LTBP1: variants seen among roughly 807,000 people sequenced by gnomAD.
LTBP1 encodes the protein latent-transforming growth factor beta-binding protein 1.
In LTBP1, 129 loss-of-function variants were observed where a neutral mutation model predicts 207.6. The ratio of observed to expected loss-of-function variants is 0.62; its 90% CI spans 0.54 to 0.72. The LOEUF is 0.72. LTBP1 is among the 30% of genes least tolerant of loss of function. The pLI is 0.00. For missense variants in LTBP1, 2,281 were observed against 2,217.2 expected (o/e 1.03, Z -0.58); for synonymous variants, 963 against 833.7 (o/e 1.16, Z -2.67).
intron 15 of LTBP1, among the ~76,000 whole-genome samples, chr2:33,271,390 A>G (rs1425887827): frequency 1.3e-5 from 2 of 152,178 alleles, no homozygotes; most frequent in African/African-American, 4.8e-5. Context: ...CCACCCGGGA[A>G]AAAACCCAAG....
At chr2:33,289,209 T>A (rs972283520) in intron 19 of LTBP1, among the ~76,000 whole-genome samples, 1 of 152,194 alleles carries the variant, frequency 6.6e-6, no homozygotes, top group Non-Finnish European at 1.5e-5. Context: ...GATGCATACA[T>A]CTTTGAACTA....
chr2:33,318,355 C>T (rs1481858056), intron 24 of LTBP1, among the ~76,000 whole-genome samples: 2 of 152,152 alleles, frequency 1.3e-5, no homozygotes, highest in East Asian at 3.9e-4. Context: ...TTTATTCACT[C>T]ACGTAACCGG....
chr2:33,039,676 C>T (rs1266182601), intron 3 of LTBP1, among the ~76,000 whole-genome samples: 2 of 152,104 alleles, frequency 1.3e-5, no homozygotes, highest in Non-Finnish European at 2.9e-5. Context: ...TGTGGGGGGC[C>T]ATAATAATAT....
intron 31 of LTBP1, among the ~76,000 whole-genome samples, chr2:33,373,519 A>G (rs1026850410): frequency 1.3e-5 from 2 of 152,202 alleles, no homozygotes; most frequent in South Asian, 2.1e-4. Flanking sequence ...TATGTATCCA[A>G]CTTCCTTTGA....
intron 2 of LTBP1, among the ~76,000 whole-genome samples, chr2:32,970,789 C>G (rs1490484210): frequency 1.3e-5 from 2 of 151,468 alleles, no homozygotes; most frequent in Non-Finnish European, 2.9e-5. Flanking sequence ...TTTTCTAATT[C>G]TATGAAGAAT....
At chr2:33,146,649 A>G (rs947897497) in intron 5 of LTBP1, among the ~76,000 whole-genome samples, 2 of 152,236 alleles carry the variant, frequency 1.3e-5, no homozygotes, top group East Asian at 3.8e-4. Flanking sequence ...TACAGGAAGC[A>G]TGGTTGGGGA....
At chr2:33,049,160 G>T (rs924434448) in intron 3 of LTBP1, among the ~76,000 whole-genome samples, 1 of 152,118 alleles carries the variant, frequency 6.6e-6, no homozygotes, top group African/African-American at 2.4e-5. Flanking sequence ...AAAAACAATA[G>T]GTGTGCGTTA....
At chr2:33,149,232 A>AC (rs1558707353) in intron 5 of LTBP1, among the ~76,000 whole-genome samples, 43 of 134,688 alleles carry the variant, frequency 3.2e-4, no homozygotes, top group African/African-American at 1.0e-3. Flanking sequence ...AAAAAACAAA[A>AC]AAAAAAAAAA....
At chr2:33,245,127 G>T (rs536639072) in intron 10 of LTBP1, among the ~76,000 whole-genome samples, 3 of 152,020 alleles carry the variant, frequency 2.0e-5, no homozygotes, top group African/African-American at 4.8e-5. Flanking sequence ...TGATCCACCC[G>T]CCTCAGCCTC....
At chr2:33,183,669 G>A (rs532934945) in intron 5 of LTBP1, among the ~76,000 whole-genome samples, 3 of 152,268 alleles carry the variant, frequency 2.0e-5, no homozygotes, top group Admixed American at 1.3e-4. Context: ...ATTCTTTGTA[G>A]TACATTTAAA....
At chr2:33,309,761 C>T (rs570174515) in intron 23 of LTBP1, among the ~76,000 whole-genome samples, 2 of 152,178 alleles carry the variant, frequency 1.3e-5, no homozygotes, top group East Asian at 1.9e-4. Context: ...GAAACTCACA[C>T]GAGTAAGAGC....
chr2:33,234,545 A>G (rs1248469678), intron 9 of LTBP1, among the ~76,000 whole-genome samples: 1 of 152,180 alleles, frequency 6.6e-6, no homozygotes, highest in Non-Finnish European at 1.5e-5. Context: ...AAGGAGAACT[A>G]CAAACCACTG....
intron 3 of LTBP1, among the ~76,000 whole-genome samples, chr2:33,090,034 G>T (rs1323678322): frequency 2.0e-5 from 3 of 152,158 alleles, no homozygotes; most frequent in Non-Finnish European, 4.4e-5. Flanking sequence ...GATGTTACGT[G>T]TTTTATATAC....
chr2:33,068,046 A>T (rs990545959), intron 3 of LTBP1, among the ~76,000 whole-genome samples: 2 of 152,082 alleles, frequency 1.3e-5, no homozygotes, highest in Admixed American at 6.5e-5. Flanking sequence ...ATGCTCCTGG[A>T]TAACAGTATT....
chr2:33,328,030 G>T (rs1012095870), intron 24 of LTBP1, among the ~76,000 whole-genome samples: 13 of 151,846 alleles, frequency 8.6e-5, no homozygotes, highest in Non-Finnish European at 1.6e-4. Flanking sequence ...AGCTACTTGG[G>T]AGGCTGAGGC....
intron 26 of LTBP1, among the ~76,000 whole-genome samples, chr2:33,350,209 A>G (rs559748115): frequency 6.6e-6 from 1 of 152,336 alleles, no homozygotes; most frequent in Admixed American, 6.5e-5. Context: ...GGGAAAGATA[A>G]ATTTCCAGTA....
Position 33,134,899 on chromosome 2 carries a change from C to T in LTBP1, c.1140C>T (p.Thr380=). Residue 380 remains threonine (T), a synonymous_variant, in exon 5 of 34, where the codon ACC becomes ACT. Transcript: ENST00000404816. This position sits in a 1 kb window ranked among gnomAD's most constrained non-coding sequence, Gnocchi z 4.4. ...CQNSCEKGNT[T]TLISENGHAA... Reference sequence around the variant, plus strand: ...ACAGCTGTGAGAAGGGGAACACCACCACTCTCATTAGTGAGAATGGTCATG... The same window carrying T: ...ACAGCTGTGAGAAGGGGAACACCACTACTCTCATTAGTGAGAATGGTCATG... 1 of 1,614,042 alleles carries T rather than the reference C, an allele frequency of 6.2e-7. No individual in the cohort carries two copies. Among genetic ancestry groups the T allele is most frequent in the Non-Finnish European group, 8.5e-7 (1 of 1,179,984 alleles).
In LTBP1 at chr2:33,283,318, C is replaced by T. The variant is rs74927887; in HGVS notation, c.3112+3160C>T. 5.2e-3 allele frequency among the ~76,000 whole-genome samples: 782 copies of T among 150,788 alleles called. 9 individuals carry two copies. The highest frequency in any genetic ancestry group is 0.018 in the African/African-American group (746 of 40,958). ...CTTCCTGGCTAGTCATTTGTTTTGT[C>T]TCTAACTGTTACCTGTGATTATATC... On this transcript the variant is annotated intron_variant, in intron 19 of 33. Transcript: ENST00000404816.
chr2:33,207,307 G>A (rs2089958958), intron 7 of LTBP1, among the ~76,000 whole-genome samples: 1 of 152,116 alleles, frequency 6.6e-6, no homozygotes, highest in Non-Finnish European at 1.5e-5. Context: ...GAAGCCCATG[G>A]TTTGGCTTCA....
Sources: gnomAD v4.1 joint callset for allele counts (sites outside exome capture counted in the v4.1 genomes callset) on GRCh38, gnomAD v4.1.1 for gene constraint, Gnocchi (gnomAD v3.1) non-coding constraint, MANE v1.5 for transcripts, NCBI Gene and HGNC (gene_info 2026-07-23, HGNC 2026-07-21) for gene names.